The following KCNQ5 variants were observed in gnomAD, a reference collection of about 807,000 sequenced individuals.
KCNQ5 encodes potassium voltage-gated channel subfamily Q member 5.
KCNQ5 carries 30 observed loss-of-function variants against 98.2 expected under a neutral mutation model. That is an observed-to-expected ratio of 0.31 (90% CI 0.23 to 0.41). KCNQ5 has a LOEUF of 0.41. Among genes scored for constraint, KCNQ5 ranks in the 10% least tolerant of loss-of-function variants. The pLI, the probability that KCNQ5 is intolerant of heterozygous loss-of-function variation, is 1.00. For missense variants in KCNQ5, 835 were observed against 1,182.5 expected (o/e 0.71, Z 4.31); for synonymous variants, 458 against 449.4 (o/e 1.02, Z -0.24).
At chr6:73,071,444 A>ATAG (rs1773295597) in intron 3 of KCNQ5, among the ~76,000 whole-genome samples, 1 of 152,202 alleles carries the variant, frequency 6.6e-6, no homozygotes, top group Non-Finnish European at 1.5e-5. Context: ...AAATTCATTA[A>ATAG]TAAGTGTCTT....
chr6:73,148,211 A>G (rs1233235015), intron 10 of KCNQ5, among the ~76,000 whole-genome samples: 1 of 152,216 alleles, frequency 6.6e-6, no homozygotes, highest in African/African-American at 2.4e-5. Context: ...GTCAGGAAGT[A>G]TTCCAAGAAA....
At chr6:73,065,879 G>C (rs1198808392) in intron 3 of KCNQ5, among the ~76,000 whole-genome samples, 1 of 152,226 alleles carries the variant, frequency 6.6e-6, no homozygotes, top group African/African-American at 2.4e-5. Flanking sequence ...GGGCTCAGTG[G>C]CTCACGCCTA....
At chr6:72,687,599 T>G (rs1039760658) in intron 1 of KCNQ5, among the ~76,000 whole-genome samples, 1 of 152,192 alleles carries the variant, frequency 6.6e-6, no homozygotes, top group African/African-American at 2.4e-5. Context: ...TTTAAGGAGA[T>G]AAAAAGTGAA....
At chr6:72,736,799 G>A (rs1205069137) in intron 1 of KCNQ5, among the ~76,000 whole-genome samples, 2 of 151,846 alleles carry the variant, frequency 1.3e-5, no homozygotes, top group Admixed American at 6.6e-5. Context: ...GCGCCCGGCC[G>A]TAAAAAAAGA....
intron 3 of KCNQ5, 150 bp downstream of exon 3, chr6:73,042,212 T>A (rs2150357789): frequency 1.2e-6 from 1 of 840,502 alleles, no homozygotes; most frequent in Middle Eastern, 2.8e-4. Context: ...AAATGTTGAC[T>A]CATTTGATGT....
chr6:72,752,461 G>A (rs1771732564), intron 1 of KCNQ5, among the ~76,000 whole-genome samples: 1 of 152,018 alleles, frequency 6.6e-6, no homozygotes, highest in Non-Finnish European at 1.5e-5. Context: ...CTTTCTTTAG[G>A]TAACAACTAT....
intron 1 of KCNQ5, among the ~76,000 whole-genome samples, chr6:72,892,972 A>G (rs937442680): frequency 2.6e-5 from 4 of 152,184 alleles, no homozygotes; most frequent in African/African-American, 9.7e-5. Flanking sequence ...AAATAGACAT[A>G]TGGACATCCT....
At chr6:72,987,755 T>TA (rs1336048836) in intron 1 of KCNQ5, 2 of 489,528 alleles carry the variant, frequency 4.1e-6, no homozygotes, top group Admixed American at 2.9e-5. Context: ...GATTAAACTC[T>TA]AGAGTTTTGT....
chr6:73,074,281 G>A (rs1337240468), intron 3 of KCNQ5, among the ~76,000 whole-genome samples: 1 of 152,062 alleles, frequency 6.6e-6, no homozygotes, highest in East Asian at 1.9e-4. Flanking sequence ...TACTAGCCTA[G>A]GAAATAGTCT....
chr6:72,937,244 C>T (rs891902744), intron 1 of KCNQ5, among the ~76,000 whole-genome samples: 1 of 152,136 alleles, frequency 6.6e-6, no homozygotes, highest in Admixed American at 6.5e-5. Context: ...CCAGGGAAAG[C>T]AGGACTTGCT....
At chr6:73,072,004 T>C (rs1301384113) in intron 3 of KCNQ5, among the ~76,000 whole-genome samples, 1 of 152,080 alleles carries the variant, frequency 6.6e-6, no homozygotes, top group East Asian at 1.9e-4. Flanking sequence ...ACTAGAATAA[T>C]TCAAAAAACT....
intron 1 of KCNQ5, among the ~76,000 whole-genome samples, chr6:72,728,221 C>T (rs188913863): frequency 1.4e-4 from 21 of 152,172 alleles, no homozygotes; most frequent in Admixed American, 1.1e-3. Flanking sequence ...CACAATTATT[C>T]GCATGCCACC....
At chr6:73,133,846 A>C (rs1776342790) in intron 10 of KCNQ5, 2 of 703,740 alleles carry the variant, frequency 2.8e-6, no homozygotes, top group South Asian at 3.0e-5. Context: ...CCACTTTGGC[A>C]GCTAAATTTA....
chr6:73,068,073 A>G (rs1396893707), intron 3 of KCNQ5, among the ~76,000 whole-genome samples: 1 of 152,140 alleles, frequency 6.6e-6, no homozygotes, highest in Non-Finnish European at 1.5e-5. Context: ...AGGCTGGTGG[A>G]TCACTTGAGG....
intron 1 of KCNQ5, among the ~76,000 whole-genome samples, chr6:72,899,285 A>G (rs763412987): frequency 2.4e-4 from 37 of 152,164 alleles, no homozygotes; most frequent in Non-Finnish European, 2.4e-4. Flanking sequence ...ACCATATACT[A>G]TTCCAACTTG....
chr6:72,690,330 T>C lies in KCNQ5; in HGVS notation c.398+67743T>C, dbSNP rs111936654. Among the ~76,000 whole-genome samples, 1,472 of 152,346 alleles carry C rather than the reference T, an allele frequency of 9.7e-3. 24 individuals carry two copies. The highest frequency in any genetic ancestry group is 0.033 in the African/African-American group (1,391 of 41,566). On this transcript the variant is annotated intron_variant, in intron 1 of 13. Coordinates refer to ENST00000370398, the MANE Select transcript of KCNQ5 (RefSeq NM_019842.4). ...AGTTGCTGTCCTATGTTTATTAATA[T>C]AATTTCATCATCATCATATTTTCAA... is the stretch of plus-strand genomic sequence containing the variant.
intron 11 of KCNQ5, among the ~76,000 whole-genome samples, chr6:73,182,278 G>A (rs974755162): frequency 6.6e-6 from 1 of 152,166 alleles, no homozygotes; most frequent in South Asian, 2.1e-4. Flanking sequence ...TGCTACAGTG[G>A]CTGACTTGAG....
chr6:72,637,023 A>G (rs1256192664), intron 1 of KCNQ5, among the ~76,000 whole-genome samples: 2 of 152,210 alleles, frequency 1.3e-5, no homozygotes, highest in African/African-American at 2.4e-5. Flanking sequence ...GCATTCCCAC[A>G]CTGAGACCAA....
chr6:72,717,509 A>G (rs560036114), intron 1 of KCNQ5, among the ~76,000 whole-genome samples: 14 of 152,346 alleles, frequency 9.2e-5, no homozygotes, highest in African/African-American at 3.1e-4. Flanking sequence ...TTAATTACCA[A>G]ATAACATATC....
Sources: allele counts gnomAD v4.1 joint callset (sites outside exome capture counted in the v4.1 genomes callset), GRCh38; gene constraint gnomAD v4.1.1; transcripts MANE v1.5; gene names NCBI Gene and HGNC (gene_info 2026-07-23, HGNC 2026-07-21).